The following YJU2B variants were observed in gnomAD, a reference collection of about 807,000 sequenced individuals.
The protein encoded by YJU2B is probable splicing factor YJU2B.
YJU2B carries 18 observed loss-of-function variants against 38.0 expected under a neutral mutation model. The ratio of observed to expected loss-of-function variants is 0.47; its 90% CI spans 0.33 to 0.70. The LOEUF is 0.70. Ranked by LOEUF, YJU2B falls within the 30% of genes least tolerant of loss-of-function variation. YJU2B has a pLI of 0.02. For synonymous variants in YJU2B, 246 were observed against 225.4 expected (o/e 1.09, Z -0.82); for missense variants, 538 against 556.3 (o/e 0.97, Z 0.33).
chr19:13,756,242 C>T lies in YJU2B; in HGVS notation c.103C>T (p.Arg35Trp), dbSNP rs377596623. 9 of 1,613,948 alleles carry T rather than the reference C, an allele frequency of 5.6e-6. No individual in the cohort carries two copies. The highest frequency in any genetic ancestry group is 2.7e-5 in the African/African-American group (2 of 74,916). ...CCACAACAGCCACCCGCTTCGGGAG[C>T]GGGCTCGGAAGCTGTCACAGGGCAT... is the stretch of plus-strand genomic sequence containing the variant. ...RYHNSHPLRE[R>W]ARKLSQGILI... is the part of the protein sequence containing the mutation. The change falls in exon 4 of 10, where the codon CGG (arginine) becomes TGG (tryptophan). Residue 35 changes from arginine (R) to tryptophan (W), a missense_variant. Coordinates refer to ENST00000221554, the MANE Select transcript of YJU2B (RefSeq NM_030818.4).
chr19:13,759,075 C>T, intron 7 of YJU2B, 25 bp from the exon 8 acceptor site: 2 of 1,612,814 alleles, frequency 1.2e-6, no homozygotes, highest in Non-Finnish European at 1.7e-6. Context: ...GCCCCCAAAG[C>T]CCAGCCGAGC....
intron 1 of YJU2B, among the ~76,000 whole-genome samples, chr19:13,749,632 CTTT>C (rs71170557): frequency 7.7e-6 from 1 of 130,332 alleles, no homozygotes. Context: ...GAACTTCTTT[CTTT>C]TTTTTTTTTT....
At chr19:13,757,555 G>A (rs1394815076) in intron 5 of YJU2B, 82 bp downstream of exon 5, 1 of 1,278,170 alleles carries the variant, frequency 7.8e-7, no homozygotes, top group East Asian at 2.3e-5. Context: ...GGGGGTGGGA[G>A]GGTCCTGATC....
At chr19:13,754,266 CA>C in intron 2 of YJU2B, 22 bp from the exon 3 acceptor site, 1 of 1,602,194 alleles carries the variant, frequency 6.2e-7, no homozygotes, top group Admixed American at 1.7e-5. Flanking sequence ...CTCTCTGAGT[CA>C]TGTCTCTGTT....
At chr19:13,749,328 A>G (rs1289989549) in intron 1 of YJU2B, among the ~76,000 whole-genome samples, 1 of 152,074 alleles carries the variant, frequency 6.6e-6, no homozygotes, top group African/African-American at 2.4e-5. Flanking sequence ...TAAATTTTCT[A>G]GTAGTTGGGG....
intron 2 of YJU2B, among the ~76,000 whole-genome samples, chr19:13,737,758 C>G (rs969856677): frequency 2.0e-5 from 3 of 151,380 alleles, no homozygotes; most frequent in Non-Finnish European, 4.4e-5. Context: ...GCACTCCAGC[C>G]TGAGCGACAG....
chr19:13,757,273 T>G, intron 4 of YJU2B, 145 bp from the exon 5 acceptor site: 1 of 634,338 alleles, frequency 1.6e-6, no homozygotes, highest in Non-Finnish European at 2.9e-6. Flanking sequence ...CCATTTCCTG[T>G]GTAATGTGAG....
At chr19:13,759,901 G>C (rs1356284810) in intron 8 of YJU2B, among the ~76,000 whole-genome samples, 1 of 150,744 alleles carries the variant, frequency 6.6e-6, no homozygotes, top group Non-Finnish European at 1.5e-5. Flanking sequence ...GGGTTCAAGT[G>C]ATTCTCCTGC....
rs1405372490 is a variant in YJU2B at position 13,762,946 on chromosome 19, C to T, written c.1069C>T (p.Gln357Ter). Reference protein sequence around the residue: ...SSPRGQEGSRQDKPLSPAGSS... With the variant: ...SSPRGQEGSR The stretch of plus-strand genomic sequence containing the variant: ...CCCGAGGGGGCAGGAAGGGAGCCGT[C>T]AGGACAAGCCCCTGTCGCCAGCAGG... Residue 357 changes from glutamine to a stop codon, truncating the protein, a stop_gained, in exon 10 of 10, where the codon CAG becomes TAG. Coordinates refer to ENST00000221554, the MANE Select transcript of YJU2B (RefSeq NM_030818.4). LOFTEE classifies it low-confidence loss of function (END_TRUNC). 1.5e-5 allele frequency: 24 copies of T among 1,611,728 alleles called. No individual in the cohort carries two copies. The highest frequency in any genetic ancestry group is 2.2e-5 in the East Asian group (1 of 44,854).
chr19:13,760,703 C>T (rs1327324525), intron 8 of YJU2B, among the ~76,000 whole-genome samples: 1 of 152,062 alleles, frequency 6.6e-6, no homozygotes, highest in Non-Finnish European at 1.5e-5. Context: ...AGCAATCCTC[C>T]CCACTAAGCC....
chr19:13,763,110 G>T lies in YJU2B; in HGVS notation c.*42G>T. ...AGACTGGACCCGCTCTAGAGGCCCGGACACACCCAGGAGGCCCCTCACAGA... is the reference window on the plus strand; with the variant it reads ...AGACTGGACCCGCTCTAGAGGCCCGTACACACCCAGGAGGCCCCTCACAGA... On this transcript the variant is annotated 3_prime_UTR_variant, in exon 10 of 10. Coordinates refer to ENST00000221554, the MANE Select transcript of YJU2B (RefSeq NM_030818.4). 2.7e-6 allele frequency: 4 copies of T among 1,485,616 alleles called. No homozygotes were observed. Among genetic ancestry groups the T allele is most frequent in the Non-Finnish European group, 3.6e-6 (4 of 1,108,186 alleles). The allele number at this position is 1,485,616 out of a possible 1,614,324, so 92.0% of individuals were successfully genotyped here.
rs186166542 is a variant in YJU2B, at chr19:13,733,613, C to G, written c.-202+1328C>G. Among the ~76,000 whole-genome samples the G allele has an allele frequency of 1.2e-3, 188 of 152,150 alleles. 1 individual carries two copies. The highest frequency in any genetic ancestry group is 3.4e-3 in the African/African-American group (143 of 41,530). ...GCACATGCCTCTAATCCCAGCTACT[C>G]GGGAGGCTGAAGCAGGAGAATCGCA... On this transcript the variant is annotated intron_variant, in intron 2 of 10. Coordinates refer to the YJU2B transcript ENST00000586600.
intron 2 of YJU2B, chr19:13,732,340 T>G (rs1317068048): frequency 6.6e-6 from 1 of 151,872 alleles, no homozygotes; most frequent in Non-Finnish European, 1.5e-5. Flanking sequence ...TATTTAAATA[T>G]TAAGGGTGGG....
intron 1 of YJU2B, among the ~76,000 whole-genome samples, chr19:13,750,929 G>C (rs1599514891): frequency 6.6e-6 from 1 of 151,112 alleles, no homozygotes; most frequent in East Asian, 2.0e-4. Flanking sequence ...GTGCAGGCCA[G>C]CTGCACTTGG....
chr19:13,736,609 T>G (rs944957567), intron 2 of YJU2B, among the ~76,000 whole-genome samples: 2 of 152,044 alleles, frequency 1.3e-5, no homozygotes, highest in Admixed American at 1.3e-4. Context: ...ACCCAAAGAC[T>G]CCCTCATTCA....
At chr19:13,746,585 G>T (rs1973256529), upstream of YJU2B, among the ~76,000 whole-genome samples, 1 of 152,098 alleles carries the variant, frequency 6.6e-6, no homozygotes, top group African/African-American at 2.4e-5. Context: ...CCTATGCAGG[G>T]GAGTCCCACA....
rs1973936699 is a variant in YJU2B, at chr19:13,762,587, T to C, written c.713-3T>C. 6.5e-7 allele frequency: 1 copy of C among 1,530,472 alleles called. No homozygotes were observed. The highest frequency in any genetic ancestry group is 1.4e-5 in the African/African-American group (1 of 72,690). 94.8% of individuals were successfully genotyped at this position (1,530,472 alleles called of 1,614,324 possible). A position where few individuals can be genotyped will look rare whatever the true frequency, so the allele number is the denominator to read the frequency against. ...CCCTGAAATGTCCTCTCCTCTCCTCTAGCCTACGAGGACAAGCAGAAACTC... is the reference window on the plus strand; with the variant it reads ...CCCTGAAATGTCCTCTCCTCTCCTCCAGCCTACGAGGACAAGCAGAAACTC... On this transcript the variant is annotated splice_polypyrimidine_tract_variant and splice_region_variant and intron_variant, in intron 9 of 9. Coordinates refer to ENST00000221554, the MANE Select transcript of YJU2B (RefSeq NM_030818.4).
At chr19:13,744,030 T>C (rs1210872424), upstream of YJU2B, among the ~76,000 whole-genome samples, 1 of 151,168 alleles carries the variant, frequency 6.6e-6, no homozygotes, top group African/African-American at 2.4e-5. Flanking sequence ...GTCTCTACTA[T>C]AGATACAAAA....
intron 6 of YJU2B, among the ~76,000 whole-genome samples, chr19:13,758,568 TAATG>T (rs142635045): frequency 6.6e-6 from 1 of 152,234 alleles, no homozygotes; most frequent in African/African-American, 2.4e-5. Context: ...ACAAATGCAC[TAATG>T]AATGAACAAA....
Sources: gnomAD v4.1 joint callset for allele counts (sites outside exome capture counted in the v4.1 genomes callset) on GRCh38, gnomAD v4.1.1 for gene constraint, MANE v1.5 for transcripts, NCBI Gene and HGNC (gene_info 2026-07-23, HGNC 2026-07-21) for gene names.